The following COG5 variants were observed in gnomAD, a reference collection of about 807,000 sequenced individuals.
COG5 encodes component of oligomeric golgi complex 5.
A neutral mutation model predicts 110.4 loss-of-function variants in COG5; 86 were observed. The ratio of observed to expected loss-of-function variants is 0.78; its 90% CI spans 0.65 to 0.93. The LOEUF is 0.93. Among genes scored for constraint, COG5 ranks in the 40% least tolerant of loss-of-function variants. COG5 has a pLI of 0.00. For synonymous variants in COG5, 360 were observed against 334.6 expected (o/e 1.08, Z -0.83); for missense variants, 1,077 against 987.0 (o/e 1.09, Z -1.22).
chr7:107,518,420 A>C (rs1191605653), intron 6 of COG5, among the ~76,000 whole-genome samples: 1 of 152,212 alleles, frequency 6.6e-6, no homozygotes, highest in Admixed American at 6.5e-5. Context: ...GACCCATCTC[A>C]CGTGCAAAGA....
intron 7 of COG5, among the ~76,000 whole-genome samples, chr7:107,403,248 A>T: frequency 6.6e-6 from 1 of 152,220 alleles, no homozygotes; most frequent in East Asian, 1.9e-4. Flanking sequence ...GGCTGCTGTA[A>T]CAAAATACCA....
chr7:107,524,533 A>ACC (rs1800586701), intron 6 of COG5, among the ~76,000 whole-genome samples: 1 of 152,246 alleles, frequency 6.6e-6, no homozygotes, highest in Non-Finnish European at 1.5e-5. Context: ...CAGAAGTGTC[A>ACC]TTTAGTGTAC....
chr7:107,540,865 T>C (rs1801930023), intron 5 of COG5, among the ~76,000 whole-genome samples: 1 of 152,154 alleles, frequency 6.6e-6, no homozygotes, highest in Admixed American at 6.5e-5. Context: ...AAATATATTT[T>C]ATAGGCCGGG....
At chr7:107,280,007 T>G (rs1403240874) in intron 14 of COG5, among the ~76,000 whole-genome samples, 1 of 152,120 alleles carries the variant, frequency 6.6e-6, no homozygotes, top group Non-Finnish European at 1.5e-5. Flanking sequence ...TCTATATACA[T>G]GCTGGATCTT....
chr7:107,444,616 G>A (rs1262731762), intron 6 of COG5, among the ~76,000 whole-genome samples: 5 of 151,960 alleles, frequency 3.3e-5, no homozygotes, highest in Non-Finnish European at 7.4e-5. Context: ...TTTGAATACT[G>A]ATCATATTAA....
chr7:107,520,759 A>T (rs1800265746), intron 6 of COG5, among the ~76,000 whole-genome samples: 1 of 152,184 alleles, frequency 6.6e-6, no homozygotes, highest in Non-Finnish European at 1.5e-5. Flanking sequence ...CTATCAAACT[A>T]CCATTAACAT....
intron 10 of COG5, among the ~76,000 whole-genome samples, chr7:107,335,387 C>G (rs1400028116): frequency 6.6e-6 from 1 of 152,120 alleles, no homozygotes; most frequent in Non-Finnish European, 1.5e-5. Flanking sequence ...AAGACTTCAT[C>G]TCAAAAAGTA....
rs1258684791 is a variant in COG5, at chr7:107,233,135, G to A, written c.2092-2444C>T. Among the ~76,000 whole-genome samples, 4 of 152,212 alleles carry A rather than the reference G, an allele frequency of 2.6e-5. No individual in the cohort carries two copies. In the East Asian group the frequency reaches 5.8e-4, roughly 22 times the overall value. On this transcript the variant is annotated intron_variant, in intron 18 of 21. Transcript: ENST00000297135. ...GACCTATAAATAGAAATTGCTAGAA[G>A]TACCACTAAATAATTTAATACCAAC...
At chr7:107,208,308 A>C in intron 21 of COG5, 3 of 985,460 alleles carry the variant, frequency 3.0e-6, no homozygotes, top group Non-Finnish European at 2.4e-6. Flanking sequence ...TGCTAAATAT[A>C]GGCTTAGCAA....
At chr7:107,219,396 C>A (rs1584534458) in intron 19 of COG5, among the ~76,000 whole-genome samples, 1 of 152,158 alleles carries the variant, frequency 6.6e-6, no homozygotes, top group African/African-American at 2.4e-5. Context: ...ATGCTCAATG[C>A]AGCATTATTT....
At chr7:107,439,210 A>G (rs1394249371) in intron 6 of COG5, among the ~76,000 whole-genome samples, 3 of 151,750 alleles carry the variant, frequency 2.0e-5, no homozygotes, top group African/African-American at 4.8e-5. Context: ...TACATCATCA[A>G]TTTTTCCCTT....
intron 17 of COG5, among the ~76,000 whole-genome samples, chr7:107,245,678 T>G (rs542166813): frequency 6.6e-6 from 1 of 152,052 alleles, no homozygotes; most frequent in East Asian, 1.9e-4. Context: ...ATCTCTACAA[T>G]GAGAACTACA....
chr7:107,463,190 TC>T (rs1010081488), intron 6 of COG5, among the ~76,000 whole-genome samples: 2 of 152,214 alleles, frequency 1.3e-5, no homozygotes, highest in African/African-American at 4.8e-5. Flanking sequence ...AATAAGCTTT[TC>T]CCCAAAAGGG....
chr7:107,392,117 C>T (rs1467476545), intron 7 of COG5, among the ~76,000 whole-genome samples: 1 of 152,118 alleles, frequency 6.6e-6, no homozygotes, highest in Non-Finnish European at 1.5e-5. Context: ...TTATTTTCCT[C>T]AGCAATACCA....
At chr7:107,256,273 G>A (rs1802874306) in intron 16 of COG5, among the ~76,000 whole-genome samples, 1 of 152,030 alleles carries the variant, frequency 6.6e-6, no homozygotes. Flanking sequence ...ATGAGAGAGG[G>A]GTGGGCATTG....
intron 1 of COG5, among the ~76,000 whole-genome samples, chr7:107,560,511 C>T (rs887121722): frequency 4.6e-5 from 7 of 152,186 alleles, no homozygotes; most frequent in African/African-American, 1.7e-4. Context: ...TAGTTTTACA[C>T]TAACTTAGAC....
At chr7:107,262,859 C>T (rs1433793067) in intron 14 of COG5, among the ~76,000 whole-genome samples, 1 of 152,158 alleles carries the variant, frequency 6.6e-6, no homozygotes, top group Non-Finnish European at 1.5e-5. Context: ...ATTTCTTAAT[C>T]TGTAACACGG....
chr7:107,224,518 C>T (rs1022642332), intron 19 of COG5, among the ~76,000 whole-genome samples: 3 of 152,212 alleles, frequency 2.0e-5, no homozygotes, highest in Non-Finnish European at 2.9e-5. Flanking sequence ...AGACTGTGGA[C>T]ATCATCAGGG....
At position 107,210,680 on chromosome 7, in the gene COG5, A is replaced by G; in HGVS notation, c.2296-75T>C. ...AATGGCAGCAAGTGCTGGTTCGAAA[A>G]GCACTCTCAAGTATTCCCAAGGTGA... On this transcript the variant is annotated intron_variant, in intron 20 of 21. Transcript: ENST00000297135. 2.7e-6 allele frequency: 4 copies of G among 1,455,186 alleles called. No homozygotes were observed. In the South Asian group the frequency reaches 4.9e-5, roughly 18 times the overall value. The allele number at this position is 1,455,186 out of a possible 1,614,324, so 90.1% of individuals were successfully genotyped here. A position where few individuals can be genotyped will look rare whatever the true frequency, so the allele number is the denominator to read the frequency against.
Sources: allele counts gnomAD v4.1 joint callset (sites outside exome capture counted in the v4.1 genomes callset), GRCh38; gene constraint gnomAD v4.1.1; transcripts MANE v1.5; gene names NCBI Gene and HGNC (gene_info 2026-07-23, HGNC 2026-07-21).